Variants in CBFB observed in about 807,000 individuals in gnomAD.
CBFB encodes CBF-beta.
In CBFB, 9 loss-of-function variants were observed where a neutral mutation model predicts 30.4. That is an observed-to-expected ratio of 0.30 (90% CI 0.18 to 0.52). The LOEUF is 0.52. CBFB is among the 20% of genes least tolerant of loss of function. CBFB has a pLI of 0.97. For synonymous variants in CBFB, 94 were observed against 84.0 expected (o/e 1.12, Z -0.65); for missense variants, 170 against 244.0 (o/e 0.70, Z 2.02).
At chr16:67,081,850 T>TC (rs2145770449) in intron 4 of CBFB, among the ~76,000 whole-genome samples, 2 of 149,626 alleles carry the variant, frequency 1.3e-5, no homozygotes, top group East Asian at 3.9e-4. Context: ...TTTCTTTTCC[T>TC]TTTTTTTTGA....
intron 3 of CBFB, among the ~76,000 whole-genome samples, chr16:67,060,194 G>T (rs912432350): frequency 2.0e-5 from 3 of 152,000 alleles, no homozygotes; most frequent in African/African-American, 7.2e-5. Flanking sequence ...GCCCTGGCTG[G>T]TCTCAAACTC....
At chr16:67,045,593 T>C (rs1966611639) in intron 3 of CBFB, among the ~76,000 whole-genome samples, 1 of 152,200 alleles carries the variant, frequency 6.6e-6, no homozygotes, top group South Asian at 2.1e-4. Flanking sequence ...TCTGCATACA[T>C]GGTAAATGCA....
At chr16:67,072,920 C>T (rs1441421483) in intron 4 of CBFB, among the ~76,000 whole-genome samples, 10 of 151,820 alleles carry the variant, frequency 6.6e-5, no homozygotes, top group Admixed American at 5.9e-4. Flanking sequence ...ACCATGTTGG[C>T]CAGGCTGGTC....
chr16:67,088,200 G>GT (rs1387830329), intron 5 of CBFB, among the ~76,000 whole-genome samples: 1 of 152,136 alleles, frequency 6.6e-6, no homozygotes, highest in Admixed American at 6.5e-5. Flanking sequence ...TGGGGTTTGT[G>GT]TGTCTTTTGG....
chr16:67,071,992 C>G (rs1174543127), intron 4 of CBFB, among the ~76,000 whole-genome samples: 1 of 152,184 alleles, frequency 6.6e-6, no homozygotes, highest in African/African-American at 2.4e-5. Context: ...TTGTTTCTCT[C>G]TGCTGATCAC....
chr16:67,081,618 A>G (rs1961557038), intron 4 of CBFB, among the ~76,000 whole-genome samples: 1 of 152,044 alleles, frequency 6.6e-6, no homozygotes, highest in African/African-American at 2.4e-5. Flanking sequence ...CCTGGTCAAC[A>G]TAGCAAGACC....
chr16:67,072,148 C>G (rs533589877), intron 4 of CBFB, among the ~76,000 whole-genome samples: 33 of 152,124 alleles, frequency 2.2e-4, no homozygotes, highest in African/African-American at 8.0e-4. Flanking sequence ...TGTATTATTC[C>G]TAAAAGTATA....
chr16:67,098,548 T>G (rs1187283446), intron 5 of CBFB, among the ~76,000 whole-genome samples, 162 bp from the exon 6 acceptor site: 1 of 152,214 alleles, frequency 6.6e-6, no homozygotes, highest in Non-Finnish European at 1.5e-5. Context: ...ATGTCAGACA[T>G]AATTTTAATT....
intron 5 of CBFB, among the ~76,000 whole-genome samples, chr16:67,092,477 C>G (rs1254063578): frequency 6.6e-6 from 1 of 152,030 alleles, no homozygotes; most frequent in Non-Finnish European, 1.5e-5. Context: ...GACTCTGCCT[C>G]CAACTATGTT....
chr16:67,043,965 A>G (rs759695328), intron 3 of CBFB, among the ~76,000 whole-genome samples: 2 of 152,238 alleles, frequency 1.3e-5, no homozygotes, highest in African/African-American at 4.8e-5. Flanking sequence ...TCTTTAATCT[A>G]GCTGTCAAAA....
At chr16:67,031,041 C>T (rs1258793119) in intron 2 of CBFB, among the ~76,000 whole-genome samples, 3 of 152,166 alleles carry the variant, frequency 2.0e-5, no homozygotes, top group Admixed American at 6.5e-5. Flanking sequence ...AAATTTACTT[C>T]TCCCACCCCC....
chr16:67,089,485 A>G (rs540509786), intron 5 of CBFB, among the ~76,000 whole-genome samples: 3 of 152,372 alleles, frequency 2.0e-5, no homozygotes, highest in African/African-American at 7.2e-5. Flanking sequence ...TGCTTTCAGT[A>G]TTACACAGAA....
chr16:67,064,800 G>T (rs1221827045), intron 3 of CBFB, among the ~76,000 whole-genome samples: 1 of 152,048 alleles, frequency 6.6e-6, no homozygotes, highest in Non-Finnish European at 1.5e-5. Flanking sequence ...AAAAAGAATG[G>T]TGCAGAAATG....
rs543678348 is a variant in CBFB, at chr16:67,045,206, C to T, written c.282+8451C>T. Among the ~76,000 whole-genome samples the T allele has an allele frequency of 5.9e-5, 9 of 152,010 alleles. 1 individual carries two copies. The highest frequency in any genetic ancestry group is 3.3e-4 in the Admixed American group (5 of 15,260). ...TATTTTTCAATCTAAGAGAGGAAGT[C>T]GACTTTCTGAAAAAATTAAAATGTT... On this transcript the variant is annotated intron_variant, in intron 3 of 5. Coordinates refer to ENST00000412916, the MANE Select transcript of CBFB (RefSeq NM_022845.3).
At chr16:67,086,003 G>A (rs1327677070) in intron 5 of CBFB, among the ~76,000 whole-genome samples, 4 of 152,130 alleles carry the variant, frequency 2.6e-5, no homozygotes, top group Non-Finnish European at 1.5e-5. Context: ...TTTAGTGATT[G>A]CTAGATCTCT....
intron 5 of CBFB, among the ~76,000 whole-genome samples, chr16:67,097,589 G>A (rs1962090480): frequency 6.7e-6 from 1 of 149,816 alleles, no homozygotes; most frequent in African/African-American, 2.5e-5. Flanking sequence ...AGTGCACCCA[G>A]GACTCTAATT....
At chr16:67,098,138 G>C (rs1962110675) in intron 5 of CBFB, among the ~76,000 whole-genome samples, 1 of 151,836 alleles carries the variant, frequency 6.6e-6, no homozygotes, top group South Asian at 2.1e-4. Context: ...TTGTTTGTTT[G>C]TTTGTTTGTT....
chr16:67,029,328 G>C lies in CBFB; in HGVS notation c.-80G>C. 1 of 1,017,666 alleles carries C rather than the reference G, an allele frequency of 9.8e-7. No homozygotes were observed. The highest frequency in any genetic ancestry group is 1.3e-6 in the Non-Finnish European group (1 of 778,060). The allele number at this position is 1,017,666 out of a possible 1,614,324, so 63.0% of individuals were successfully genotyped here. A position where few individuals can be genotyped will look rare whatever the true frequency, so the allele number is the denominator to read the frequency against. On this transcript the variant is annotated 5_prime_UTR_variant, in exon 1 of 6. Transcript: ENST00000412916. ...TCCGGGCGCCGCGGGTGGGCGGTCAGTCGGTCAGCGCGGAGCCAGCCAGCG... is the reference window on the plus strand; with the variant it reads ...TCCGGGCGCCGCGGGTGGGCGGTCACTCGGTCAGCGCGGAGCCAGCCAGCG...
intron 4 of CBFB, among the ~76,000 whole-genome samples, chr16:67,072,433 A>G (rs1597148683): frequency 6.6e-6 from 1 of 151,968 alleles, no homozygotes; most frequent in East Asian, 1.9e-4. Flanking sequence ...TCTGAAGAAT[A>G]TATAGATTTT....
Sources: gnomAD v4.1 joint callset for allele counts (sites outside exome capture counted in the v4.1 genomes callset) on GRCh38, gnomAD v4.1.1 for gene constraint, MANE v1.5 for transcripts, NCBI Gene and HGNC (gene_info 2026-07-23, HGNC 2026-07-21) for gene names.